Variants in NLGN1 observed in about 807,000 individuals in gnomAD.
NLGN1 encodes the protein neuroligin-1.
NLGN1 carries 12 observed loss-of-function variants against 65.5 expected under a neutral mutation model. That is an observed-to-expected ratio of 0.18 (90% confidence interval 0.12 to 0.30). NLGN1 has a LOEUF of 0.30. Among genes scored for constraint, NLGN1 ranks in the 10% least tolerant of loss-of-function variants. The probability of loss-of-function intolerance (pLI) is 1.00; values close to 1 mark genes in which losing one functional copy is unlikely to be tolerated. For missense variants in NLGN1, 750 were observed against 1,007.1 expected (o/e 0.74, Z 3.46); for synonymous variants, 350 against 359.5 (o/e 0.97, Z 0.30).
At chr3:173,886,579 A>G (rs1044198574) in intron 4 of NLGN1, among the ~76,000 whole-genome samples, 3 of 152,126 alleles carry the variant, frequency 2.0e-5, no homozygotes, top group Admixed American at 2.0e-4. Context: ...TAAATTATAA[A>G]CTGAGAACTT....
chr3:173,623,849 CT>C (rs919789678), intron 3 of NLGN1, among the ~76,000 whole-genome samples: 1 of 152,140 alleles, frequency 6.6e-6, no homozygotes, highest in Non-Finnish European at 1.5e-5. Flanking sequence ...TTTGTGCCAT[CT>C]GACAAGAAGT....
At chr3:174,025,781 C>T (rs558897848) in intron 4 of NLGN1, among the ~76,000 whole-genome samples, 13 of 152,168 alleles carry the variant, frequency 8.5e-5, no homozygotes, top group South Asian at 4.1e-4. Context: ...TTAGCTATTC[C>T]GGAAATGATT....
rs73043541 is a variant in NLGN1 at position 173,500,858 on chromosome 3, A to G, written c.-321+65780A>G. Among the ~76,000 whole-genome samples the G allele has an allele frequency of 5.6e-3, 845 of 151,968 alleles. 14 individuals are homozygous for G. The highest frequency in any genetic ancestry group is 0.02 in the African/African-American group (827 of 41,540). ...GCTTATGCTTCACAACACTGAGCCCATATAATGGTGTTAATTGAGTAACTG... is the reference window on the plus strand; with the variant it reads ...GCTTATGCTTCACAACACTGAGCCCGTATAATGGTGTTAATTGAGTAACTG... On this transcript the variant is annotated intron_variant, in intron 2 of 6. Transcript: ENST00000457714.
chr3:174,220,181 GA>G (rs1193034456), intron 4 of NLGN1, among the ~76,000 whole-genome samples: 1 of 152,092 alleles, frequency 6.6e-6, no homozygotes. Context: ...GATTCTGGTA[GA>G]AAAATCTAGG....
At chr3:173,585,214 G>A (rs1747177387) in intron 2 of NLGN1, among the ~76,000 whole-genome samples, 1 of 152,172 alleles carries the variant, frequency 6.6e-6, no homozygotes, top group Admixed American at 6.5e-5. Context: ...CCTTGTTTTT[G>A]TGGCGTCGGT....
chr3:173,788,967 G>A (rs896749198), intron 3 of NLGN1, among the ~76,000 whole-genome samples: 1 of 151,906 alleles, frequency 6.6e-6, no homozygotes, highest in East Asian at 1.9e-4. Context: ...GGAGGCTGAG[G>A]TAGGCAGATC....
chr3:174,133,538 A>C (rs1577038394), intron 4 of NLGN1, among the ~76,000 whole-genome samples: 1 of 152,072 alleles, frequency 6.6e-6, no homozygotes, highest in Non-Finnish European at 1.5e-5. Flanking sequence ...TTTTGTTGGG[A>C]AGGGGGTAGA....
chr3:173,706,934 G>A (rs1437825218), intron 3 of NLGN1, among the ~76,000 whole-genome samples: 2 of 152,178 alleles, frequency 1.3e-5, no homozygotes, highest in Admixed American at 6.5e-5. Flanking sequence ...TATTCATCCT[G>A]AGAAGCTGAG....
At chr3:173,837,409 A>G (rs941304712) in intron 4 of NLGN1, among the ~76,000 whole-genome samples, 2 of 152,202 alleles carry the variant, frequency 1.3e-5, no homozygotes, top group African/African-American at 2.4e-5. Context: ...ATGCTTTGGG[A>G]CAGTAAACAT....
intron 3 of NLGN1, among the ~76,000 whole-genome samples, chr3:173,663,393 C>T (rs1761231468): frequency 6.6e-6 from 1 of 152,068 alleles, no homozygotes; most frequent in South Asian, 2.1e-4. Context: ...TAAGGTTTTA[C>T]AGCAGAAAAG....
At chr3:173,805,531 A>G (rs1339578718) in intron 3 of NLGN1, among the ~76,000 whole-genome samples, 1 of 152,208 alleles carries the variant, frequency 6.6e-6, no homozygotes. Context: ...TTCTGTTATT[A>G]AATATAAAAC....
At chr3:174,225,268 C>T (rs1213110308) in intron 4 of NLGN1, among the ~76,000 whole-genome samples, 1 of 152,118 alleles carries the variant, frequency 6.6e-6, no homozygotes, top group Non-Finnish European at 1.5e-5. Flanking sequence ...TCCCACTAAA[C>T]GCTTCCAGGG....
At chr3:174,158,896 T>C (rs1039815870) in intron 4 of NLGN1, among the ~76,000 whole-genome samples, 1 of 151,670 alleles carries the variant, frequency 6.6e-6, no homozygotes, top group Non-Finnish European at 1.5e-5. Flanking sequence ...TCACTTTCTA[T>C]TTTAATCCAG....
intron 4 of NLGN1, among the ~76,000 whole-genome samples, chr3:173,830,220 C>A (rs1409013074): frequency 6.6e-6 from 1 of 152,094 alleles, no homozygotes; most frequent in African/African-American, 2.4e-5. Context: ...TCCCATTCAA[C>A]CCCCAGGCTG....
chr3:174,118,398 A>T (rs867548994), intron 4 of NLGN1, among the ~76,000 whole-genome samples: 1 of 152,208 alleles, frequency 6.6e-6, no homozygotes, highest in Non-Finnish European at 1.5e-5. Flanking sequence ...ATTTGGAATT[A>T]ATTTCCAAAG....
chr3:173,677,761 G>C (rs967646372), intron 3 of NLGN1, among the ~76,000 whole-genome samples: 1 of 152,018 alleles, frequency 6.6e-6, no homozygotes, highest in African/African-American at 2.4e-5. Flanking sequence ...CTGTGGCTAA[G>C]GACTCACATA....
intron 4 of NLGN1, among the ~76,000 whole-genome samples, chr3:173,871,409 T>C (rs1376414601): frequency 2.0e-5 from 3 of 152,294 alleles, no homozygotes; most frequent in East Asian, 1.9e-4. Context: ...AAGTATGAAA[T>C]TAAATGTTTA....
chr3:174,055,538 G>T (rs1263041063), intron 4 of NLGN1, among the ~76,000 whole-genome samples: 2 of 152,028 alleles, frequency 1.3e-5, no homozygotes, highest in Non-Finnish European at 2.9e-5. Flanking sequence ...GAGGCATTTA[G>T]ATTTAACTTG....
intron 3 of NLGN1, among the ~76,000 whole-genome samples, chr3:173,634,613 A>T (rs1208364138): frequency 6.6e-6 from 1 of 152,144 alleles, no homozygotes; most frequent in Non-Finnish European, 1.5e-5. Context: ...AAGTGTCATG[A>T]TTCATTTAAT....
Sources: gnomAD v4.1 joint callset for allele counts (sites outside exome capture counted in the v4.1 genomes callset) on GRCh38, gnomAD v4.1.1 for gene constraint, MANE v1.5 for transcripts, NCBI Gene and HGNC (gene_info 2026-07-23, HGNC 2026-07-21) for gene names.